The following LRRC4C variants were observed in gnomAD, a reference collection of about 807,000 sequenced individuals.
The protein encoded by LRRC4C is leucine rich repeat containing 4C.
A neutral mutation model predicts 33.6 loss-of-function variants in LRRC4C; 5 were observed. The ratio of observed to expected loss-of-function variants is 0.15; its 90% CI spans 0.08 to 0.31. The LOEUF is 0.31. Among genes scored for constraint, LRRC4C ranks in the 10% least tolerant of loss-of-function variants. LRRC4C has a pLI of 1.00. For synonymous variants in LRRC4C, 329 were observed against 302.0 expected, an observed-to-expected ratio of 1.09 and a Z score of -0.93; for missense variants, 560 against 796.7, an observed-to-expected ratio of 0.70 and a Z score of 3.58.
rs34328057 is a variant in LRRC4C, at chr11:41,215,014, G to GTATATATATATA, written c.-496+244405_-496+244416dup. ...TTCTCAATTTCTATTTTTTATTCAT[G>GTATATATATATA]TATATATATATATATATATATATAT... On this transcript the variant is annotated intron_variant, in intron 1 of 6. Coordinates refer to ENST00000528697, the MANE Select transcript of LRRC4C (RefSeq NM_001258419.2). 7.8e-3 allele frequency among the ~76,000 whole-genome samples: 1,022 copies of GTATATATATATA among 130,974 alleles called. 19 individuals carry two copies. The highest frequency in any genetic ancestry group is 0.027 in the African/African-American group (933 of 34,484). The allele number at this position is 130,974 out of a possible 152,430, so 85.9% of individuals were successfully genotyped here. A position where few individuals can be genotyped will look rare whatever the true frequency, so the allele number is the denominator to read the frequency against.
chr11:41,411,272 C>T (rs1954477144), intron 1 of LRRC4C, among the ~76,000 whole-genome samples: 1 of 150,596 alleles, frequency 6.6e-6, no homozygotes, highest in Non-Finnish European at 1.5e-5. Flanking sequence ...CCTCAGCCTC[C>T]CGAGCAGCTG....
At chr11:41,036,182 G>GT (rs1857054159) in intron 1 of LRRC4C, among the ~76,000 whole-genome samples, 1 of 152,078 alleles carries the variant, frequency 6.6e-6, no homozygotes. Context: ...AAACTCTTTG[G>GT]TAATTATTTC....
chr11:41,246,983 T>C (rs1249404673), intron 1 of LRRC4C, among the ~76,000 whole-genome samples: 1 of 152,218 alleles, frequency 6.6e-6, no homozygotes, highest in Non-Finnish European at 1.5e-5. Context: ...ACTGCAAATT[T>C]GGACATCTTT....
chr11:41,320,625 C>T (rs1011077721), intron 1 of LRRC4C, among the ~76,000 whole-genome samples: 2 of 151,990 alleles, frequency 1.3e-5, no homozygotes, highest in African/African-American at 4.8e-5. Context: ...AGTGACTGCA[C>T]TAGTTTTCTA....
chr11:41,027,569 C>A (rs1276544034), intron 1 of LRRC4C, among the ~76,000 whole-genome samples: 1 of 151,646 alleles, frequency 6.6e-6, no homozygotes, highest in Non-Finnish European at 1.5e-5. Flanking sequence ...CATTTTTATG[C>A]AGTTACAATT....
chr11:40,301,000 C>T (rs2136664990), intron 4 of LRRC4C, among the ~76,000 whole-genome samples: 1 of 152,214 alleles, frequency 6.6e-6, no homozygotes, highest in South Asian at 2.1e-4. Context: ...GTTGAATCCA[C>T]AGATGGGAAA....
At chr11:41,217,505 A>G (rs1331432000) in intron 1 of LRRC4C, among the ~76,000 whole-genome samples, 1 of 152,216 alleles carries the variant, frequency 6.6e-6, no homozygotes, top group Non-Finnish European at 1.5e-5. Flanking sequence ...CAATAATGCT[A>G]ACTTGAGAAA....
chr11:40,401,355 T>C (rs943207722), intron 3 of LRRC4C, among the ~76,000 whole-genome samples: 2 of 152,022 alleles, frequency 1.3e-5, no homozygotes, highest in Admixed American at 6.6e-5. Context: ...AAATGTTATA[T>C]AGACAAAGCA....
intron 3 of LRRC4C, among the ~76,000 whole-genome samples, chr11:40,363,299 C>T (rs1277960125): frequency 3.3e-5 from 5 of 152,042 alleles, no homozygotes; most frequent in African/African-American, 4.8e-5. Flanking sequence ...AGCAAACTAA[C>T]GCAAGAACAA....
chr11:40,392,875 C>T (rs530299459), intron 3 of LRRC4C, among the ~76,000 whole-genome samples: 24 of 151,816 alleles, frequency 1.6e-4, no homozygotes, highest in African/African-American at 2.9e-4. Flanking sequence ...GCTGAGTGCT[C>T]GCGAAATGCC....
chr11:40,114,346 GT>G lies in LRRC4C; in HGVS notation c.*23del. On this transcript the variant is annotated 3_prime_UTR_variant, in exon 7 of 7. Transcript: ENST00000528697. ...AAACTGTCTTTTTTTTTGATTGTTTGTTTTTTGTAACTCTGTAAATGTTTTA... is the reference window on the plus strand; with the variant it reads ...AAACTGTCTTTTTTTTTGATTGTTTGTTTTTGTAACTCTGTAAATGTTTTA... 1 of 1,519,604 alleles carries G rather than the reference GT, an allele frequency of 6.6e-7. No homozygotes were observed. Among genetic ancestry groups the G allele is most frequent in the Non-Finnish European group, 8.8e-7 (1 of 1,135,502 alleles). 94.1% of individuals were successfully genotyped at this position (1,519,604 alleles called of 1,614,324 possible).
intron 1 of LRRC4C, among the ~76,000 whole-genome samples, chr11:40,998,522 A>G (rs1854141256): frequency 6.6e-6 from 1 of 152,126 alleles, no homozygotes; most frequent in Admixed American, 6.6e-5. Flanking sequence ...TCCATGCAAT[A>G]TAAGGATTTT....
intron 2 of LRRC4C, among the ~76,000 whole-genome samples, chr11:40,808,536 T>G (rs1951346755): frequency 6.6e-6 from 1 of 152,240 alleles, no homozygotes; most frequent in African/African-American, 2.4e-5. Context: ...TCTTTCTCTC[T>G]CCTGTTATAA....
Position 40,986,376 on chromosome 11 carries a change from T to C in LRRC4C, c.-495-52653A>G, listed in dbSNP as rs150617529. Among the ~76,000 whole-genome samples, 1,398 of 152,196 alleles carry C rather than the reference T, an allele frequency of 9.2e-3. 21 individuals are homozygous for C. The highest frequency in any genetic ancestry group is 0.047 in the South Asian group (227 of 4,818). ...ACTTTTGGAGGCCAAGGCTGGAGGA[T>C]CACTTGAGCTCTGGAGTTTGAGACC... On this transcript the variant is annotated intron_variant, in intron 1 of 6. Coordinates refer to ENST00000528697, the MANE Select transcript of LRRC4C (RefSeq NM_001258419.2).
At chr11:41,309,701 G>A (rs1950596567) in intron 1 of LRRC4C, among the ~76,000 whole-genome samples, 1 of 152,172 alleles carries the variant, frequency 6.6e-6, no homozygotes, top group South Asian at 2.1e-4. Flanking sequence ...CACAGCAGTT[G>A]TTAAAAATAA....
intron 2 of LRRC4C, among the ~76,000 whole-genome samples, chr11:40,761,712 A>G (rs1444427087): frequency 6.6e-6 from 1 of 152,154 alleles, no homozygotes; most frequent in African/African-American, 2.4e-5. Flanking sequence ...AACATCTTCA[A>G]GCACACCTTT....
chr11:40,691,930 T>G (rs1204306465), intron 2 of LRRC4C, among the ~76,000 whole-genome samples: 1 of 152,086 alleles, frequency 6.6e-6, no homozygotes, highest in Non-Finnish European at 1.5e-5. Context: ...GTTTCATCAC[T>G]GTCTCCACAG....
chr11:40,244,795 A>C (rs757427000), intron 4 of LRRC4C, among the ~76,000 whole-genome samples: 2 of 152,100 alleles, frequency 1.3e-5, no homozygotes, highest in Non-Finnish European at 2.9e-5. Flanking sequence ...GAGAGAGCTC[A>C]TTGAGACTGA....
intron 4 of LRRC4C, among the ~76,000 whole-genome samples, chr11:40,265,805 G>A (rs913117209): frequency 3.3e-5 from 5 of 152,204 alleles, no homozygotes; most frequent in African/African-American, 1.2e-4. Context: ...CTCACTAGGA[G>A]TCTGCTCAAT....
Sources: allele counts gnomAD v4.1 joint callset (sites outside exome capture counted in the v4.1 genomes callset), GRCh38; gene constraint gnomAD v4.1.1; transcripts MANE v1.5; gene names NCBI Gene and HGNC (gene_info 2026-07-23, HGNC 2026-07-21).